The following IQCK variants were observed in gnomAD, a reference collection of about 807,000 sequenced individuals.
The protein encoded by IQCK is IQ domain-containing protein K.
In IQCK, 29 loss-of-function variants were observed where a neutral mutation model predicts 28.1. The ratio of observed to expected loss-of-function variants is 1.03; its 90% CI spans 0.77 to 1.41. The LOEUF (loss-of-function observed/expected upper bound fraction) is 1.41. IQCK is among the 40% of genes most tolerant of loss of function. The probability of loss-of-function intolerance (pLI) is 0.00; values close to 1 mark genes in which losing one functional copy is unlikely to be tolerated. For missense variants in IQCK, 359 were observed against 314.7 expected (o/e 1.14, Z -1.07); for synonymous variants, 113 against 115.1 (o/e 0.98, Z 0.12).
At chr16:19,719,670 A>ATTT (rs1204084614) in intron 1 of IQCK, among the ~76,000 whole-genome samples, 12 of 126,600 alleles carry the variant, frequency 9.5e-5, no homozygotes, top group Non-Finnish European at 1.5e-4. Context: ...TTGGACTCAA[A>ATTT]TTTTTTTTTT....
chr16:19,779,710 A>T (rs1004975091), intron 6 of IQCK, among the ~76,000 whole-genome samples: 10 of 150,410 alleles, frequency 6.6e-5, no homozygotes, highest in African/African-American at 9.7e-5. Context: ...TTATTTATTT[A>T]TTTTATTTAT....
chr16:19,778,935 C>T (rs891649850), intron 6 of IQCK, among the ~76,000 whole-genome samples: 3 of 152,154 alleles, frequency 2.0e-5, no homozygotes, highest in Admixed American at 6.5e-5. Context: ...ATATGAGTTT[C>T]CTAGGGCTAC....
At chr16:19,721,634 G>T (rs1182805060) in intron 1 of IQCK, among the ~76,000 whole-genome samples, 1 of 148,850 alleles carries the variant, frequency 6.7e-6, no homozygotes, top group Non-Finnish European at 1.5e-5. Flanking sequence ...CACCCAGGCT[G>T]CAGTGCAGTG....
intron 6 of IQCK, among the ~76,000 whole-genome samples, chr16:19,779,917 C>A (rs966432169): frequency 2.1e-4 from 32 of 151,600 alleles, no homozygotes; most frequent in African/African-American, 7.0e-4. Context: ...CGGGGTTTCA[C>A]CATGTTAGCC....
At chr16:19,733,862 G>T (rs771116690) in intron 3 of IQCK, 35 bp downstream of exon 3, 1 of 1,612,406 alleles carries the variant, frequency 6.2e-7, no homozygotes, top group East Asian at 2.2e-5. Flanking sequence ...TATAATTTGG[G>T]GCTTTTAACA....
chr16:19,811,188 T>A (rs2055901189), intron 7 of IQCK, among the ~76,000 whole-genome samples: 1 of 151,932 alleles, frequency 6.6e-6, no homozygotes, highest in African/African-American at 2.4e-5. Flanking sequence ...GGAGAATGGC[T>A]TGAGCCCAGG....
chr16:19,723,106 C>T (rs966076156), intron 1 of IQCK, among the ~76,000 whole-genome samples: 3 of 150,282 alleles, frequency 2.0e-5, no homozygotes, highest in Non-Finnish European at 4.4e-5. Flanking sequence ...CACCCTGCCC[C>T]CACTCCCCAC....
chr16:19,851,659 C>G (rs2056484363), intron 9 of IQCK, among the ~76,000 whole-genome samples: 1 of 152,164 alleles, frequency 6.6e-6, no homozygotes, highest in Non-Finnish European at 1.5e-5. Flanking sequence ...TGGCGTATCT[C>G]TCTCTGGGAT....
intron 9 of IQCK, among the ~76,000 whole-genome samples, chr16:19,835,519 T>C (rs1027585427): frequency 2.0e-5 from 3 of 152,132 alleles, no homozygotes; most frequent in Admixed American, 6.5e-5. Flanking sequence ...TTATGAACAA[T>C]GCTCCATAAA....
Position 19,730,499 on chromosome 16 carries a change from G to A in IQCK, c.246+5G>A, listed in dbSNP as rs367668640. On this transcript the variant is annotated splice_donor_5th_base_variant and intron_variant, in intron 2 of 7. Transcript: ENST00000564186. ...AAACAGGAGCCTGTGATTACGGTGA[G>A]TATTACCTAGGCCTCAACCGAAGCA... 19 of 1,597,114 alleles carry A rather than the reference G, an allele frequency of 1.2e-5. No individual in the cohort carries two copies. In the African/African-American group the frequency reaches 2.6e-4, roughly 22 times the overall value.
intron 7 of IQCK, among the ~76,000 whole-genome samples, chr16:19,813,774 A>G (rs1020017779): frequency 6.6e-6 from 1 of 152,196 alleles, no homozygotes; most frequent in African/African-American, 2.4e-5. Context: ...AAAATACTAG[A>G]TAACAATAAT....
At position 19,825,795 on chromosome 16, in the gene IQCK, C is replaced by T. The variant is rs1005091341; in HGVS notation, c.691-1231C>T. On this transcript the variant is annotated intron_variant, in intron 7 of 7. Transcript: ENST00000564186. This position sits in a 1 kb window ranked among gnomAD's most constrained non-coding sequence, Gnocchi z 4.2. ...TTACTATTATTCATCTCTTTAATCT[C>T]AACGTCTAGCACAAAAGTTGGTATG... 6.6e-6 allele frequency among the ~76,000 whole-genome samples: 1 copy of T among 152,140 alleles called. No individual in the cohort carries two copies. The highest frequency in any genetic ancestry group is 1.9e-4 in the East Asian group (1 of 5,190).
intron 9 of IQCK, among the ~76,000 whole-genome samples, chr16:19,837,454 C>T (rs2056312586): frequency 6.6e-6 from 1 of 152,146 alleles, no homozygotes; most frequent in Non-Finnish European, 1.5e-5. Context: ...AACCGAGCTC[C>T]TGCCTTTTAC....
intron 9 of IQCK, among the ~76,000 whole-genome samples, chr16:19,851,877 T>C (rs1240064429): frequency 1.3e-5 from 2 of 152,116 alleles, no homozygotes; most frequent in Admixed American, 6.5e-5. Flanking sequence ...CCCCTTTTCC[T>C]CCCTCCGCTG....
chr16:19,762,286 G>A (rs1013783477), intron 4 of IQCK, among the ~76,000 whole-genome samples: 66 of 152,290 alleles, frequency 4.3e-4, no homozygotes, highest in African/African-American at 1.5e-3. Context: ...CACTGCTGGC[G>A]GCACCTGTGT....
intron 6 of IQCK, among the ~76,000 whole-genome samples, chr16:19,770,280 A>G (rs954218274): frequency 6.6e-6 from 1 of 152,156 alleles, no homozygotes; most frequent in Non-Finnish European, 1.5e-5. Flanking sequence ...CTTAGCGTCT[A>G]TGTTGATTTT....
chr16:19,816,470 C>T (rs935329210), intron 7 of IQCK, among the ~76,000 whole-genome samples: 5 of 151,996 alleles, frequency 3.3e-5, no homozygotes, highest in African/African-American at 4.8e-5. Flanking sequence ...TTAGTAGAGA[C>T]GGGGTTTCAC....
intron 2 of IQCK, among the ~76,000 whole-genome samples, chr16:19,731,699 C>T (rs1418014320): frequency 6.6e-6 from 1 of 152,102 alleles, no homozygotes; most frequent in Non-Finnish European, 1.5e-5. Context: ...TAGGGTTCTC[C>T]AGAGAGACAG....
intron 9 of IQCK, among the ~76,000 whole-genome samples, chr16:19,852,866 C>T (rs1053706755): frequency 6.6e-6 from 1 of 152,150 alleles, no homozygotes; most frequent in Non-Finnish European, 1.5e-5. Context: ...TCGTGATCTG[C>T]CCGCCTCAGC....
Sources: gnomAD v4.1 joint callset for allele counts (sites outside exome capture counted in the v4.1 genomes callset) on GRCh38, gnomAD v4.1.1 for gene constraint, Gnocchi (gnomAD v3.1) non-coding constraint, MANE v1.5 for transcripts, NCBI Gene and HGNC (gene_info 2026-07-23, HGNC 2026-07-21) for gene names.